SLFN11: variants seen among roughly 807,000 people sequenced by gnomAD.
SLFN11 encodes schlafen family member 11.
SLFN11 carries 43 observed loss-of-function variants against 53.4 expected under a neutral mutation model. The observed-to-expected ratio is 0.80, with a 90% confidence interval of 0.63 to 1.04. The LOEUF is 1.04. SLFN11 is among the 50% of genes least tolerant of loss of function. The pLI is 0.00. For missense variants in SLFN11, 990 were observed against 1,079.1 expected, an observed-to-expected ratio of 0.92 and a Z score of 1.16; for synonymous variants, 389 against 394.7, an observed-to-expected ratio of 0.99 and a Z score of 0.17.
chr17:35,362,723 G>A lies in SLFN11; in HGVS notation c.1069+16C>T. 6.6e-7 allele frequency: 1 copy of A among 1,517,940 alleles called. No homozygotes were observed. Among genetic ancestry groups the A allele is most frequent in the Non-Finnish European group, 8.8e-7 (1 of 1,131,614 alleles). The allele number at this position is 1,517,940 out of a possible 1,614,324, so 94.0% of individuals were successfully genotyped here. On this transcript the variant is annotated intron_variant, in intron 4 of 6. Transcript: ENST00000685675. ...ATGTAGAAAGGACAGGGAGGGAGGA[G>A]CTTTCTCCCTCTTACCTGGATCTGT...
intron 1 of SLFN11, among the ~76,000 whole-genome samples, chr17:35,370,392 C>CA (rs1567829173): frequency 6.6e-6 from 1 of 152,038 alleles, no homozygotes; most frequent in Non-Finnish European, 1.5e-5. Flanking sequence ...TAGGGAAACA[C>CA]TGAAAGCCTT....
intron 3 of SLFN11, among the ~76,000 whole-genome samples, chr17:35,366,517 TTAAAA>T (rs1046073207): frequency 4.6e-5 from 7 of 152,116 alleles, no homozygotes; most frequent in African/African-American, 1.2e-4. Flanking sequence ...TGGAAAATTA[TTAAAA>T]TAAAATAAAA....
chr17:35,352,954 TC>T lies in SLFN11; in HGVS notation c.2107del (p.Asp703IlefsTer28). ...ATCCAAGTGGCTGGTCTGAAAGTAA[TC>T]CAGAAAGATCCAGAGAATTCCTGGG... ...GGPGILWIFL[D>X]YFQTSHLDCS... On this transcript the variant is annotated frameshift_variant, in exon 7 of 7. Transcript: ENST00000685675. LOFTEE classifies it low-confidence loss of function (END_TRUNC). 1 of 1,614,186 alleles carries T rather than the reference TC, an allele frequency of 6.2e-7. No individual in the cohort carries two copies. The highest frequency in any genetic ancestry group is 1.1e-5 in the South Asian group (1 of 91,082).
At position 35,363,685 on chromosome 17, in the gene SLFN11, T is replaced by C. The variant is rs564835555; in HGVS notation, c.123A>G (p.Gln41=). The part of the protein sequence containing the change: ...RKKLQKIQRD[Q]EKERVMRAAC... ...CAGCCCGCATAACTCTCTCCTTCTCTTGGTCTCTCTGAATTTTCTGCAGCT... is the reference window on the plus strand; with the variant it reads ...CAGCCCGCATAACTCTCTCCTTCTCCTGGTCTCTCTGAATTTTCTGCAGCT... The change falls in exon 4 of 7, where the codon CAA becomes CAG. Residue 41 remains glutamine (Q), a synonymous_variant. Coordinates refer to ENST00000685675, the MANE Select transcript of SLFN11 (RefSeq NM_001376007.1). The C allele has an allele frequency of 2.5e-6, 4 of 1,613,956 alleles. No homozygotes were observed. The South Asian group carries it at 3.3e-5, about 13-fold the overall frequency.
intron 4 of SLFN11, among the ~76,000 whole-genome samples, chr17:35,361,571 C>T: frequency 6.6e-6 from 1 of 151,882 alleles, no homozygotes. Flanking sequence ...AAGTGATCCT[C>T]CCACCACAGC....
In SLFN11 at chr17:35,354,017, C is replaced by A; in HGVS notation, c.1241G>T (p.Arg414Met). Residue 414 changes from arginine to methionine, a missense_variant, in exon 6 of 7, where the codon AGG (arginine) becomes ATG (methionine). Physicochemically the swap from Arg to Met is moderately conservative, Grantham distance 91. This residue lies in a region of SLFN11 where 521 missense variants were observed against 516.2 expected (regional missense o/e 1.01). Coordinates refer to ENST00000685675, the MANE Select transcript of SLFN11 (RefSeq NM_001376007.1). ...YLRYTPESLWRDLISEHRGLE... is the reference protein window; with the variant it reads ...YLRYTPESLWMDLISEHRGLE... ...TCCTCTGTGCTCTGAGATCAGGTCC[C>A]TCCAGAGTGACTCTGGAGTATATCG... is the stretch of plus-strand genomic sequence containing the variant. 1 of 1,613,622 alleles carries A rather than the reference C, an allele frequency of 6.2e-7. No individual in the cohort carries two copies. The highest frequency in any genetic ancestry group is 2.2e-5 in the East Asian group (1 of 44,876).
chr17:35,356,669 T>C (rs1907508663), intron 5 of SLFN11, among the ~76,000 whole-genome samples: 1 of 152,102 alleles, frequency 6.6e-6, no homozygotes, highest in African/African-American at 2.4e-5. Flanking sequence ...ATTTTATGGA[T>C]GTACCATATC....
In SLFN11 at chr17:35,363,271, G is replaced by A; in HGVS notation, c.537C>T (p.Asn179=). The change falls in exon 4 of 7, where the codon AAC becomes AAT. Residue 179 remains asparagine, a synonymous_variant. Coordinates refer to ENST00000685675, the MANE Select transcript of SLFN11 (RefSeq NM_001376007.1). The part of the protein sequence containing the change: ...IHKGVYQELP[N]SDPADPNSDP... ...CCGAGTTTGGGTCAGCAGGATCCGA[G>A]TTAGGGAGCTCTTGGTATACACCCT... The A allele has an allele frequency of 1.2e-6, 2 of 1,614,064 alleles. No individual in the cohort carries two copies. Among genetic ancestry groups the A allele is most frequent in the Non-Finnish European group, 1.7e-6 (2 of 1,180,006 alleles).
In SLFN11 at chr17:35,352,672, C is replaced by T. The variant is rs1369308727; in HGVS notation, c.2390G>A (p.Arg797Lys). 6.2e-7 allele frequency: 1 copy of T among 1,613,988 alleles called. No individual in the cohort carries two copies. Among genetic ancestry groups the T allele is most frequent in the Admixed American group, 1.7e-5 (1 of 60,018 alleles). The change falls in exon 7 of 7, where the codon AGG becomes AAG. Residue 797 changes from arginine (R) to lysine (K), a missense_variant. Arg to Lys is a conservative substitution (Grantham distance 26). This residue lies in a region of SLFN11 where 313 missense variants were observed against 320.9 expected (regional missense o/e 0.98). Coordinates refer to ENST00000685675, the MANE Select transcript of SLFN11 (RefSeq NM_001376007.1). ...AGAATAGCCCCTATCAAAGAAGCGC[C>T]TGCACGTGTCTGCCACACAGGTCAT... ...QIMTCVADTC[R>K]RFFDRGYSPK...
chr17:35,363,585 GT>G lies in SLFN11; in HGVS notation c.222del (p.Leu75TrpfsTer3). 1 of 1,613,854 alleles carries G rather than the reference GT, an allele frequency of 6.2e-7. No individual in the cohort carries two copies. Among genetic ancestry groups the G allele is most frequent in the Non-Finnish European group, 8.5e-7 (1 of 1,179,938 alleles). ...TCTCTCAAAGACTGTTCTAAATCCA[GT>G]CCCATCTCCACGGGATGCTCAACCT... ...AKKVEHPVEM[G>X]LDLEQSLREL... On this transcript the variant is annotated frameshift_variant, in exon 4 of 7. Coordinates refer to ENST00000685675, the MANE Select transcript of SLFN11 (RefSeq NM_001376007.1). LOFTEE classifies it high-confidence loss of function.
At position 35,360,401 on chromosome 17, in the gene SLFN11, C is replaced by A. The variant is rs141261472; in HGVS notation, c.1070-30G>T. 4,567 of 1,581,178 alleles carry A rather than the reference C, an allele frequency of 2.9e-3. 39 individuals carry two copies. The Middle Eastern group carries it at 0.032, about 11-fold the overall frequency. ...AGAAAGAAAATTCATGTTATTCTGA[C>A]GTGTTAATCTCTTCATACTGAAAGA... On this transcript the variant is annotated intron_variant, in intron 4 of 6. Transcript: ENST00000685675.
At chr17:35,366,401 T>C (rs1354170215) in intron 3 of SLFN11, among the ~76,000 whole-genome samples, 5 of 152,020 alleles carry the variant, frequency 3.3e-5, no homozygotes, top group Non-Finnish European at 5.9e-5. Flanking sequence ...TAAAACAAAA[T>C]TGTAAAAAAT....
chr17:35,363,674 C>T lies in SLFN11; in HGVS notation c.134G>A (p.Arg45Lys), dbSNP rs200715746. The change falls in exon 4 of 7, where the codon AGA becomes AAA. Residue 45 changes from arginine (R) to lysine (K), a missense_variant. Arg to Lys is a conservative substitution (Grantham distance 26). Coordinates refer to ENST00000685675, the MANE Select transcript of SLFN11 (RefSeq NM_001376007.1). Reference protein sequence around the residue: ...QKIQRDQEKERVMRAACALLN... With the variant: ...QKIQRDQEKEKVMRAACALLN... ...TAAAGCACATGCAGCCCGCATAACT[C>T]TCTCCTTCTCTTGGTCTCTCTGAAT... The T allele has an allele frequency of 4.3e-5, 69 of 1,613,618 alleles. No individual in the cohort carries two copies. The East Asian group carries it at 1.4e-3, about 32-fold the overall frequency.
chr17:35,358,624 C>G, intron 5 of SLFN11, among the ~76,000 whole-genome samples: 1 of 151,620 alleles, frequency 6.6e-6, no homozygotes, highest in East Asian at 1.9e-4. Context: ...ATGTATTGAG[C>G]TTTTTCAAAT....
In SLFN11 at chr17:35,353,321, G is replaced by A. The variant is rs770047591; in HGVS notation, c.1922+15C>T. The A allele has an allele frequency of 1.2e-6, 2 of 1,613,886 alleles. No homozygotes were observed. The highest frequency in any genetic ancestry group is 3.3e-5 in the Admixed American group (2 of 59,972). On this transcript the variant is annotated intron_variant, in intron 6 of 6. Coordinates refer to ENST00000685675, the MANE Select transcript of SLFN11 (RefSeq NM_001376007.1). ...GATTAAATAATACTTAGAGACGTAA[G>A]ATCCAACTGCTTACCTGATAAAGTT...
intron 5 of SLFN11, among the ~76,000 whole-genome samples, chr17:35,356,947 G>T (rs1907562009): frequency 6.6e-6 from 1 of 151,974 alleles, no homozygotes; most frequent in South Asian, 2.1e-4. Context: ...GTACAAGAAG[G>T]TGTGTTTCCC....
In SLFN11 at chr17:35,362,960, C is replaced by A. The variant is rs148218481; in HGVS notation, c.848G>T (p.Cys283Phe). 1 of 1,613,502 alleles carries A rather than the reference C, an allele frequency of 6.2e-7. No homozygotes were observed. Among genetic ancestry groups the A allele is most frequent in the African/African-American group, 1.3e-5 (1 of 74,872 alleles). ...GCGTTGGGGTTGGCAAAAATGAACA[C>A]AAGGTAGTTTGTATATGGCTTGTTC... is the stretch of plus-strand genomic sequence containing the variant. ...KIEQAIYKLP[C>F]VHFCQPQRPI... The change falls in exon 4 of 7, where the codon TGT (cysteine) becomes TTT (phenylalanine). Residue 283 changes from cysteine to phenylalanine, a missense_variant. By Grantham distance (205) the Cys-to-Phe change is radical. This residue lies in a region of SLFN11 where 521 missense variants were observed against 516.2 expected (regional missense o/e 1.01). Coordinates refer to ENST00000685675, the MANE Select transcript of SLFN11 (RefSeq NM_001376007.1).
intron 5 of SLFN11, among the ~76,000 whole-genome samples, chr17:35,356,987 G>A (rs190687824): frequency 6.6e-6 from 1 of 151,918 alleles, no homozygotes; most frequent in Non-Finnish European, 1.5e-5. Context: ...ATAATGTCAG[G>A]TTTTTTCATT....
chr17:35,368,645 C>T (rs1003443953), intron 1 of SLFN11, among the ~76,000 whole-genome samples: 3 of 152,140 alleles, frequency 2.0e-5, no homozygotes, highest in African/African-American at 7.2e-5. Flanking sequence ...ACACGACCTA[C>T]TGAGATACCA....
Sources: allele counts gnomAD v4.1 joint callset (sites outside exome capture counted in the v4.1 genomes callset), GRCh38; gene constraint gnomAD v4.1.1; regional missense constraint gnomAD v4.1.1; transcripts MANE v1.5; gene names NCBI Gene and HGNC (gene_info 2026-07-23, HGNC 2026-07-21).